CYTH3: variants seen among roughly 807,000 people sequenced by gnomAD.
CYTH3 encodes cytohesin-3.
A neutral mutation model predicts 55.1 loss-of-function variants in CYTH3; 23 were observed. The observed-to-expected ratio is 0.42, with a 90% CI of 0.30 to 0.59. The LOEUF (loss-of-function observed/expected upper bound fraction) is 0.59. Ranked by LOEUF, CYTH3 falls within the 20% of genes least tolerant of loss-of-function variation. The pLI, the probability that CYTH3 is intolerant of heterozygous loss-of-function variation, is 0.20. For synonymous variants in CYTH3, 249 were observed against 194.9 expected (o/e 1.28, Z -2.31); for missense variants, 413 against 524.8 (o/e 0.79, Z 2.08).
At chr7:6,183,189 G>A (rs1273452045) in intron 4 of CYTH3, among the ~76,000 whole-genome samples, 5 of 152,210 alleles carry the variant, frequency 3.3e-5, no homozygotes, top group East Asian at 3.8e-4. Flanking sequence ...CAGTCTCGAC[G>A]TCCCTCCCAC....
chr7:6,214,231 TG>T (rs1784381336), intron 1 of CYTH3, among the ~76,000 whole-genome samples: 1 of 152,096 alleles, frequency 6.6e-6, no homozygotes, highest in Non-Finnish European at 1.5e-5. Flanking sequence ...GGAGCCTAGG[TG>T]GGGGGTTTAC....
At chr7:6,165,854 G>T (rs767882107) in intron 9 of CYTH3, 44 bp from the exon 10 acceptor site, 9 of 1,604,184 alleles carry the variant, frequency 5.6e-6, no homozygotes, top group Non-Finnish European at 7.7e-6. Flanking sequence ...CGTGCACAGG[G>T]AGCCCGCGGG....
In CYTH3 at chr7:6,187,062, C is replaced by A. The variant is rs1257506365; in HGVS notation, c.237G>T (p.Met79Ile). 6.2e-7 allele frequency: 1 copy of A among 1,614,128 alleles called. No homozygotes were observed. The highest frequency in any genetic ancestry group is 1.1e-5 in the South Asian group (1 of 91,090). Residue 79 changes from methionine (M) to isoleucine (I), a missense_variant, in exon 4 of 13, where the codon ATG becomes ATT. Coordinates refer to ENST00000350796, the MANE Select transcript of CYTH3 (RefSeq NM_004227.4). ...QIAMGRKKFN[M>I]DPKKGIQFLI... ...AGCATTCTCTTACCTTTTTGGGATC[C>A]ATGTTGAATTTCTTTCTTCCCATGG...
intron 1 of CYTH3, among the ~76,000 whole-genome samples, chr7:6,212,216 G>A (rs1003273522): frequency 6.6e-6 from 1 of 152,050 alleles, no homozygotes; most frequent in Non-Finnish European, 1.5e-5. Flanking sequence ...CAGCAGTCTT[G>A]AACTCCAGGG....
chr7:6,179,913 CA>C (rs1783462706), intron 4 of CYTH3, among the ~76,000 whole-genome samples: 33 of 148,004 alleles, frequency 2.2e-4, no homozygotes, highest in African/African-American at 8.2e-4. Context: ...CAACCACACA[CA>C]CACAAACCAC....
chr7:6,270,763 G>C (rs951017580), intron 1 of CYTH3, among the ~76,000 whole-genome samples: 12 of 152,286 alleles, frequency 7.9e-5, no homozygotes, highest in African/African-American at 2.6e-4. Context: ...TCCCAGAAGA[G>C]ATACTAACAA....
At chr7:6,245,071 G>A (rs1332893943) in intron 1 of CYTH3, among the ~76,000 whole-genome samples, 13 of 138,510 alleles carry the variant, frequency 9.4e-5, no homozygotes, top group Admixed American at 3.2e-4. Context: ...CACCCGCCCC[G>A]GCCTTCCAAA....
chr7:6,241,296 T>G (rs758196255), intron 1 of CYTH3, among the ~76,000 whole-genome samples: 1 of 152,122 alleles, frequency 6.6e-6, no homozygotes, highest in Non-Finnish European at 1.5e-5. Flanking sequence ...CTTCGAGAAT[T>G]TGAAAAAGAC....
At chr7:6,184,162 G>A (rs545595590) in intron 4 of CYTH3, among the ~76,000 whole-genome samples, 30 of 136,630 alleles carry the variant, frequency 2.2e-4, no homozygotes, top group Admixed American at 1.3e-3. Context: ...CCGGGTTCAC[G>A]CCATTCTCCT....
At chr7:6,234,591 G>A (rs1035306073) in intron 1 of CYTH3, among the ~76,000 whole-genome samples, 3 of 152,182 alleles carry the variant, frequency 2.0e-5, no homozygotes, top group Non-Finnish European at 2.9e-5. Context: ...GGCTGGTCTC[G>A]GGACATCCCA....
At chr7:6,223,447 G>A (rs1300927595) in intron 1 of CYTH3, among the ~76,000 whole-genome samples, 1 of 152,210 alleles carries the variant, frequency 6.6e-6, no homozygotes, top group African/African-American at 2.4e-5. Context: ...TGTCTGTGTA[G>A]AAAGAAGTTG....
chr7:6,261,109 A>G (rs1373266299), intron 1 of CYTH3, among the ~76,000 whole-genome samples: 1 of 152,230 alleles, frequency 6.6e-6, no homozygotes, highest in Non-Finnish European at 1.5e-5. Context: ...TCTGGAGGCC[A>G]GGATTCCAGA....
intron 4 of CYTH3, among the ~76,000 whole-genome samples, chr7:6,184,329 G>T (rs931188254): frequency 2.6e-4 from 39 of 150,904 alleles, no homozygotes; most frequent in Non-Finnish European, 2.7e-4. Context: ...CAAAGTGCTG[G>T]GATTACAGGC....
At chr7:6,226,825 A>G (rs1461749860) in intron 1 of CYTH3, among the ~76,000 whole-genome samples, 1 of 152,190 alleles carries the variant, frequency 6.6e-6, no homozygotes, top group Non-Finnish European at 1.5e-5. Context: ...TCATGCCTGT[A>G]ATCCTAGCAC....
chr7:6,177,741 C>A, intron 5 of CYTH3, 82 bp downstream of exon 5: 2 of 1,085,876 alleles, frequency 1.8e-6, no homozygotes, highest in Non-Finnish European at 2.8e-6. Context: ...GCTGTGATGG[C>A]CCCGAAAGTG....
intron 1 of CYTH3, among the ~76,000 whole-genome samples, chr7:6,259,992 G>C (rs753963497): frequency 7.4e-5 from 11 of 147,652 alleles, no homozygotes; most frequent in Admixed American, 2.7e-4. Context: ...CACCACACCA[G>C]GCTAATTTTG....
chr7:6,267,859 GTAAAATGGGTATTTTCT>G (rs1488307842), intron 1 of CYTH3, among the ~76,000 whole-genome samples: 1 of 152,150 alleles, frequency 6.6e-6, no homozygotes, highest in African/African-American at 2.4e-5. Flanking sequence ...CAAAAAAGGT[GTAAAATGGGTATTTTCT>G]TACCATCATA....
chr7:6,254,912 T>G (rs1780060755), intron 1 of CYTH3, among the ~76,000 whole-genome samples: 1 of 152,188 alleles, frequency 6.6e-6, no homozygotes, highest in African/African-American at 2.4e-5. Flanking sequence ...GATTTGAACA[T>G]TTTCAAAATA....
chr7:6,271,333 G>A (rs1436514031), intron 1 of CYTH3, among the ~76,000 whole-genome samples: 1 of 152,162 alleles, frequency 6.6e-6, no homozygotes, highest in Non-Finnish European at 1.5e-5. Context: ...CCTTGATGAT[G>A]AACCACTTCA....
Sources: gnomAD v4.1 joint callset for allele counts (sites outside exome capture counted in the v4.1 genomes callset) on GRCh38, gnomAD v4.1.1 for gene constraint, MANE v1.5 for transcripts, NCBI Gene and HGNC (gene_info 2026-07-23, HGNC 2026-07-21) for gene names.